GALNT14: variants seen among roughly 807,000 people sequenced by gnomAD.
GALNT14 encodes polypeptide N-acetylgalactosaminyltransferase 14.
A neutral mutation model predicts 77.5 loss-of-function variants in GALNT14; 60 were observed. The observed-to-expected ratio is 0.77, with a 90% CI of 0.63 to 0.96. The LOEUF (loss-of-function observed/expected upper bound fraction) is 0.96, where lower values mean the gene tolerates loss of function less well. Ranked by LOEUF, GALNT14 falls within the 40% of genes least tolerant of loss-of-function variation. GALNT14 has a pLI of 0.00. For synonymous variants in GALNT14, 280 were observed against 281.7 expected, an observed-to-expected ratio of 0.99 and a Z score of 0.06; for missense variants, 710 against 731.0, an observed-to-expected ratio of 0.97 and a Z score of 0.33.
intron 1 of GALNT14, among the ~76,000 whole-genome samples, chr2:31,035,862 G>A (rs1672710716): frequency 6.6e-6 from 1 of 151,976 alleles, no homozygotes; most frequent in African/African-American, 2.4e-5. Flanking sequence ...CTACTGTAGG[G>A]TGGATGGTGG....
chr2:30,941,628 T>G (rs1666380633), intron 9 of GALNT14, among the ~76,000 whole-genome samples: 1 of 152,156 alleles, frequency 6.6e-6, no homozygotes, highest in South Asian at 2.1e-4. Flanking sequence ...GTTTGTACAG[T>G]TTTGGGTCCT....
At chr2:31,130,734 CTGTGTGTGTG>C (rs4020220) in intron 1 of GALNT14, among the ~76,000 whole-genome samples, 212 of 117,532 alleles carry the variant, frequency 1.8e-3, no homozygotes, top group South Asian at 5.2e-3. Context: ...CAGGGTACCT[CTGTGTGTGTG>C]TGTGTGTGTG....
chr2:31,093,101 G>C (rs1215267443), intron 1 of GALNT14, among the ~76,000 whole-genome samples: 1 of 152,196 alleles, frequency 6.6e-6, no homozygotes, highest in Non-Finnish European at 1.5e-5. Context: ...GAGAATGAGA[G>C]AGAGGACAGG....
intron 1 of GALNT14, among the ~76,000 whole-genome samples, chr2:31,100,790 T>C (rs1427204258): frequency 6.6e-6 from 1 of 151,958 alleles, no homozygotes; most frequent in Non-Finnish European, 1.5e-5. Context: ...GAAAATATCA[T>C]AAGCCAAAAA....
At chr2:30,896,724 T>G in the GALNT14 span, among the ~76,000 whole-genome samples, 2 of 152,126 alleles carry the variant, frequency 1.3e-5, no homozygotes, top group Admixed American at 1.3e-4. Context: ...ATGGGTGCCA[T>G]GAAGGAATTT....
intron 2 of GALNT14, among the ~76,000 whole-genome samples, chr2:30,979,292 G>T (rs1025212904): frequency 1.2e-4 from 19 of 152,204 alleles, no homozygotes; most frequent in African/African-American, 3.1e-4. Flanking sequence ...AAATGGGAGT[G>T]GGGGGAGAGC....
chr2:31,039,032 C>T lies in GALNT14; in HGVS notation c.130-46025G>A, dbSNP rs192047290. 4.1e-3 allele frequency among the ~76,000 whole-genome samples: 618 copies of T among 152,312 alleles called. 8 individuals carry two copies. Among genetic ancestry groups the T allele is most frequent in the African/African-American group, 0.014 (598 of 41,562 alleles). ...GTGCTGGGATTGCAGGCGTGAGCCACCGTGCCCAGCCAATTCAGCCATCTT... is the reference window on the plus strand; with the variant it reads ...GTGCTGGGATTGCAGGCGTGAGCCATCGTGCCCAGCCAATTCAGCCATCTT... On this transcript the variant is annotated intron_variant, in intron 1 of 14. Coordinates refer to ENST00000349752, the MANE Select transcript of GALNT14 (RefSeq NM_024572.4).
intron 1 of GALNT14, among the ~76,000 whole-genome samples, chr2:31,075,647 G>A (rs1339802508): frequency 1.3e-5 from 2 of 152,214 alleles, no homozygotes; most frequent in African/African-American, 4.8e-5. Flanking sequence ...AGGGACCACT[G>A]CTCCTCCGTG....
At chr2:30,993,108 G>C in intron 1 of GALNT14, 101 bp from the exon 2 acceptor site, 5 of 1,261,440 alleles carry the variant, frequency 4.0e-6, no homozygotes. Context: ...GCTTATTCTG[G>C]CAAGGTTTGG....
chr2:31,039,193 C>T (rs1230924326), intron 1 of GALNT14, among the ~76,000 whole-genome samples: 2 of 152,150 alleles, frequency 1.3e-5, no homozygotes, highest in African/African-American at 4.8e-5. Flanking sequence ...ACCTACTCTG[C>T]CATTCTGGAA....
intron 14 of GALNT14, among the ~76,000 whole-genome samples, chr2:30,911,481 G>A (rs1018997469): frequency 1.2e-4 from 19 of 152,100 alleles, no homozygotes; most frequent in African/African-American, 3.4e-4. Flanking sequence ...AGCACACGAC[G>A]GGCCAGAGCA....
intron 1 of GALNT14, among the ~76,000 whole-genome samples, chr2:31,015,286 C>T (rs1473258092): frequency 7.5e-6 from 1 of 132,818 alleles, no homozygotes; most frequent in Non-Finnish European, 1.6e-5. Context: ...GAGCTAACAT[C>T]CATCTCAAAG....
intron 1 of GALNT14, among the ~76,000 whole-genome samples, chr2:31,053,267 T>C (rs994315008): frequency 2.0e-5 from 3 of 152,074 alleles, no homozygotes; most frequent in African/African-American, 7.2e-5. Context: ...ACATAATAGG[T>C]AGAGAACCCT....
intron 1 of GALNT14, among the ~76,000 whole-genome samples, chr2:31,061,798 A>G (rs979376663): frequency 6.6e-6 from 1 of 152,092 alleles, no homozygotes; most frequent in Non-Finnish European, 1.5e-5. Context: ...CTCATCCTTT[A>G]AACTTAGTTC....
At chr2:31,090,701 C>T (rs1676688094) in intron 1 of GALNT14, among the ~76,000 whole-genome samples, 2 of 151,846 alleles carry the variant, frequency 1.3e-5, no homozygotes, top group South Asian at 2.1e-4. Flanking sequence ...AGGCTGGTCT[C>T]GAACTCCTGA....
At chr2:31,125,308 G>A (rs1286064947) in intron 1 of GALNT14, 2 of 1,262,728 alleles carry the variant, frequency 1.6e-6, no homozygotes, top group Non-Finnish European at 2.3e-6. Context: ...GCAATTAATA[G>A]CAGCATTGAT....
At chr2:31,061,217 T>G (rs1205712632) in intron 1 of GALNT14, among the ~76,000 whole-genome samples, 1 of 152,120 alleles carries the variant, frequency 6.6e-6, no homozygotes, top group African/African-American at 2.4e-5. Flanking sequence ...ATAACCAAGG[T>G]GCTCATTCTC....
At chr2:30,891,032 T>C in the GALNT14 span, among the ~76,000 whole-genome samples, 1 of 152,068 alleles carries the variant, frequency 6.6e-6, no homozygotes, top group Non-Finnish European at 1.5e-5. Flanking sequence ...AAAGTCAAAG[T>C]CTGGCATTAA....
chr2:30,964,091 G>T (rs547941007), intron 3 of GALNT14, among the ~76,000 whole-genome samples: 93 of 152,346 alleles, frequency 6.1e-4, no homozygotes, highest in African/African-American at 2.2e-3. Context: ...TGGTGTCAGG[G>T]GATGGAGGCA....
Sources: gnomAD v4.1 joint callset for allele counts (sites outside exome capture counted in the v4.1 genomes callset) on GRCh38, gnomAD v4.1.1 for gene constraint, MANE v1.5 for transcripts, NCBI Gene and HGNC (gene_info 2026-07-23, HGNC 2026-07-21) for gene names.